The following CDKL3 variants were observed in gnomAD, a reference collection of about 807,000 sequenced individuals.
CDKL3 encodes cyclin-dependent kinase-like 3.
Under a neutral mutation model 69.3 loss-of-function variants are expected in CDKL3, and 65 were observed. That is an observed-to-expected ratio of 0.94 (90% CI 0.77 to 1.15). The LOEUF is 1.15. CDKL3 is among the 50% of genes most tolerant of loss of function. The pLI is 0.00. For synonymous variants in CDKL3, 202 were observed against 221.6 expected, an observed-to-expected ratio of 0.91 and a Z score of 0.79; for missense variants, 652 against 689.2, an observed-to-expected ratio of 0.95 and a Z score of 0.61.
chr5:134,362,598 A>G (rs144507214), intron 2 of CDKL3, among the ~76,000 whole-genome samples: 86 of 152,322 alleles, frequency 5.6e-4, no homozygotes, highest in African/African-American at 2.0e-3. Context: ...AAATCTCTCC[A>G]GTGGAATTAG....
intron 9 of CDKL3, 79 bp downstream of exon 9, chr5:134,308,059 A>C: frequency 2.0e-6 from 3 of 1,479,518 alleles, no homozygotes; most frequent in South Asian, 2.8e-5. Flanking sequence ...TTACATACAG[A>C]CACTATGAAC....
downstream of CDKL3, chr5:134,298,130 C>T (rs1056761322): frequency 5.6e-6 from 2 of 359,128 alleles, no homozygotes; most frequent in Non-Finnish European, 7.8e-6. Flanking sequence ...GATGGTGTTT[C>T]ACCGTGTTGG....
intron 4 of CDKL3, among the ~76,000 whole-genome samples, chr5:134,325,760 A>G (rs1773988933): frequency 6.6e-6 from 1 of 151,344 alleles, no homozygotes; most frequent in African/African-American, 2.4e-5. Flanking sequence ...TGTTATTATT[A>G]TTATTTATTA....
upstream of CDKL3, chr5:134,371,547 T>A (rs1581314021): frequency 6.3e-7 from 1 of 1,582,756 alleles, no homozygotes; most frequent in Non-Finnish European, 8.6e-7. Flanking sequence ...GTGGGGGGGC[T>A]GCGCGGGACT....
At chr5:134,347,697 T>TAAA (rs1175296441) in intron 4 of CDKL3, among the ~76,000 whole-genome samples, 18 of 52,780 alleles carry the variant, frequency 3.4e-4, no homozygotes, top group African/African-American at 6.6e-4. Flanking sequence ...CCATCTCTGC[T>TAAA]AAAAAAAAAA....
chr5:134,371,374 G>A, upstream of CDKL3: 1 of 653,354 alleles, frequency 1.5e-6, no homozygotes, highest in Non-Finnish European at 2.6e-6. Context: ...CCCGCGTCCC[G>A]CCCCCTCCTC....
chr5:134,314,193 A>C (rs1005538698), intron 6 of CDKL3, among the ~76,000 whole-genome samples: 1 of 152,136 alleles, frequency 6.6e-6, no homozygotes, highest in Non-Finnish European at 1.5e-5. Flanking sequence ...CCCTGCAACT[A>C]GTTAAAAATA....
At chr5:134,288,085 G>C (rs1764954281) in intron 8 of CDKL3, among the ~76,000 whole-genome samples, 2 of 151,878 alleles carry the variant, frequency 1.3e-5, no homozygotes, top group African/African-American at 4.8e-5. Flanking sequence ...GTACAGATGG[G>C]GTTTCTCCAT....
At chr5:134,292,447 G>A (rs1289015515) in intron 8 of CDKL3, among the ~76,000 whole-genome samples, 2 of 152,070 alleles carry the variant, frequency 1.3e-5, no homozygotes, top group Non-Finnish European at 2.9e-5. Flanking sequence ...AAATTTGTAG[G>A]AAGCAGCTAT....
At chr5:134,295,403 T>C (rs1025107581), downstream of CDKL3, among the ~76,000 whole-genome samples, 9 of 152,168 alleles carry the variant, frequency 5.9e-5, no homozygotes, top group Non-Finnish European at 1.2e-4. Flanking sequence ...TTTGTAGAAA[T>C]TGACTCCTGA....
At chr5:134,330,229 G>A (rs1775442547) in intron 4 of CDKL3, among the ~76,000 whole-genome samples, 1 of 151,898 alleles carries the variant, frequency 6.6e-6, no homozygotes, top group African/African-American at 2.4e-5. Context: ...GCCCTTTATA[G>A]ATTTTTTAAG....
At chr5:134,347,544 C>A (rs974483818) in intron 4 of CDKL3, among the ~76,000 whole-genome samples, 8 of 151,744 alleles carry the variant, frequency 5.3e-5, no homozygotes, top group Non-Finnish European at 7.4e-5. Context: ...GAGCTCTATC[C>A]ATTCAGTGGA....
At chr5:134,371,402 T>C (rs1295522552), upstream of CDKL3, 2 of 725,292 alleles carry the variant, frequency 2.8e-6, no homozygotes, top group Non-Finnish European at 2.2e-6. Context: ...ACTCACACTG[T>C]GGTAGCGGCG....
At chr5:134,299,489 C>T in intron 12 of CDKL3, 2 of 1,220,746 alleles carry the variant, frequency 1.6e-6, no homozygotes, top group South Asian at 2.3e-5. Context: ...TTTATAAATT[C>T]ATGTTCAAAT....
chr5:134,289,474 G>C (rs192442297), intron 8 of CDKL3, among the ~76,000 whole-genome samples: 1 of 152,318 alleles, frequency 6.6e-6, no homozygotes, highest in African/African-American at 2.4e-5. Context: ...ATGCCCAAGA[G>C]TAAATGTTGC....
chr5:134,329,693 T>A (rs1205232309), intron 4 of CDKL3, among the ~76,000 whole-genome samples: 1 of 152,018 alleles, frequency 6.6e-6, no homozygotes, highest in African/African-American at 2.4e-5. Flanking sequence ...GTGGTCTCCA[T>A]CTCCTGACCT....
intron 4 of CDKL3, among the ~76,000 whole-genome samples, chr5:134,346,264 T>C (rs912497903): frequency 2.4e-4 from 37 of 152,198 alleles, no homozygotes; most frequent in Admixed American, 2.2e-3. Context: ...GCTGGGTTTA[T>C]TACCATTAGA....
chr5:134,345,439 G>C (rs924603040), intron 4 of CDKL3, among the ~76,000 whole-genome samples: 4 of 152,128 alleles, frequency 2.6e-5, no homozygotes, highest in African/African-American at 9.7e-5. Flanking sequence ...AAAGGACTTG[G>C]GAAGCCACCT....
intron 7 of CDKL3, 56 bp downstream of exon 7, chr5:134,312,236 A>G: frequency 9.6e-7 from 1 of 1,037,210 alleles, no homozygotes; most frequent in Non-Finnish European, 1.4e-6. Context: ...TCCTGCTAGT[A>G]AAATTTCCCA....
Sources: gnomAD v4.1 joint callset for allele counts (sites outside exome capture counted in the v4.1 genomes callset) on GRCh38, gnomAD v4.1.1 for gene constraint, MANE v1.5 for transcripts, NCBI Gene and HGNC (gene_info 2026-07-23, HGNC 2026-07-21) for gene names.